The following ALK variants were observed in gnomAD, a reference collection of about 807,000 sequenced individuals.
ALK encodes the protein ALK tyrosine kinase receptor.
Under a neutral mutation model 163.1 loss-of-function variants are expected in ALK, and 74 were observed. The observed-to-expected ratio is 0.45, with a 90% CI of 0.38 to 0.55. The LOEUF is 0.55. Among genes scored for constraint, ALK ranks in the 20% least tolerant of loss-of-function variants. ALK has a pLI of 0.00. For missense variants in ALK, 2,063 were observed against 2,105.3 expected (o/e 0.98, Z 0.39); for synonymous variants, 960 against 843.2 (o/e 1.14, Z -2.40).
chr2:29,458,454 T>C (rs985844444), intron 4 of ALK, among the ~76,000 whole-genome samples: 19 of 152,294 alleles, frequency 1.2e-4, no homozygotes, highest in Admixed American at 3.9e-4. Context: ...GCTAAGGAGA[T>C]GTCGCTAATC....
intron 1 of ALK, among the ~76,000 whole-genome samples, chr2:29,898,282 A>C (rs55853366): frequency 0.11 from 16,967 of 152,204 alleles, 1,824 homozygotes; most frequent in African/African-American, 0.28. Flanking sequence ...ACATTCCTAA[A>C]CAAAAATAGA....
chr2:29,540,660 T>G (rs973114963), intron 3 of ALK, among the ~76,000 whole-genome samples: 1 of 151,868 alleles, frequency 6.6e-6, no homozygotes, highest in East Asian at 1.9e-4. Flanking sequence ...TTGTCCATTA[T>G]TTTTGAGTTT....
intron 3 of ALK, among the ~76,000 whole-genome samples, chr2:29,639,028 C>T (rs1055853996): frequency 7.9e-5 from 12 of 152,150 alleles, no homozygotes; most frequent in Middle Eastern, 3.4e-3. Flanking sequence ...ATACTGGGCA[C>T]GTAAGGAGAA....
At chr2:29,529,544 A>G (rs530217866) in intron 4 of ALK, among the ~76,000 whole-genome samples, 2 of 152,212 alleles carry the variant, frequency 1.3e-5, no homozygotes, top group African/African-American at 4.8e-5. Context: ...GAGCAGGCAA[A>G]TCTCCATCCT....
intron 4 of ALK, among the ~76,000 whole-genome samples, chr2:29,392,452 G>A (rs1173715933): frequency 2.0e-5 from 3 of 152,182 alleles, no homozygotes; most frequent in Admixed American, 6.5e-5. Context: ...TTGAAGAACA[G>A]CATACTAGCA....
intron 3 of ALK, among the ~76,000 whole-genome samples, chr2:29,659,058 A>G (rs779807874): frequency 3.3e-4 from 50 of 152,010 alleles, no homozygotes; most frequent in Non-Finnish European, 6.9e-4. Context: ...CCCCTTAAAG[A>G]GATGATGATG....
At chr2:29,893,355 C>A (rs1230473125) in intron 1 of ALK, among the ~76,000 whole-genome samples, 3 of 152,182 alleles carry the variant, frequency 2.0e-5, no homozygotes, top group Non-Finnish European at 4.4e-5. Flanking sequence ...GACTTTCTGC[C>A]ATGCAGCCTC....
At position 29,816,193 on chromosome 2, in the gene ALK, C is replaced by T. The variant is rs1397093904; in HGVS notation, c.668-98496G>A. On this transcript the variant is annotated intron_variant, in intron 1 of 28. Coordinates refer to ENST00000389048, the MANE Select transcript of ALK (RefSeq NM_004304.5). ...GGAAACAAAACAAATCCACATGAAACATTAAGTAATAGATTCATTCATTCA... is the reference window on the plus strand; with the variant it reads ...GGAAACAAAACAAATCCACATGAAATATTAAGTAATAGATTCATTCATTCA... 8.5e-5 allele frequency among the ~76,000 whole-genome samples: 13 copies of T among 152,302 alleles called. No homozygotes were observed. In the South Asian group the frequency reaches 2.5e-3, roughly 29 times the overall value.
At chr2:29,622,655 G>A (rs143636071) in intron 3 of ALK, among the ~76,000 whole-genome samples, 1 of 152,260 alleles carries the variant, frequency 6.6e-6, no homozygotes, top group Admixed American at 6.5e-5. Flanking sequence ...GGTGCCAGCT[G>A]CATCTCTCAA....
chr2:29,645,205 A>C (rs1676837748), intron 3 of ALK, among the ~76,000 whole-genome samples: 1 of 152,196 alleles, frequency 6.6e-6, no homozygotes, highest in African/African-American at 2.4e-5. Context: ...GTAAAGGCTC[A>C]GTTTTGGGAA....
At chr2:29,205,611 C>T (rs1274774851) in intron 26 of ALK, among the ~76,000 whole-genome samples, 2 of 152,120 alleles carry the variant, frequency 1.3e-5, no homozygotes, top group Non-Finnish European at 2.9e-5. Flanking sequence ...CTGGTGGCTG[C>T]GGGACCTCCT....
At chr2:29,480,228 A>G (rs1050195622) in intron 4 of ALK, among the ~76,000 whole-genome samples, 1 of 152,202 alleles carries the variant, frequency 6.6e-6, no homozygotes, top group Non-Finnish European at 1.5e-5. Context: ...CAACCTCAGC[A>G]GAGTGACGTG....
At position 29,239,794 on chromosome 2, in the gene ALK, C is replaced by T. The variant is rs1287951823; in HGVS notation, c.2241G>A (p.Gly747=). The T allele has an allele frequency of 6.2e-7, 1 of 1,613,752 alleles. No individual in the cohort carries two copies. Among genetic ancestry groups the T allele is most frequent in the African/African-American group, 1.3e-5 (1 of 74,934 alleles). The change falls in exon 13 of 29, where the codon GGG becomes GGA. Residue 747 remains glycine (G), a synonymous_variant. Transcript: ENST00000389048. ...SGYGAAGGKG[G]KNTMMRSHGV... is the part of the protein sequence containing the mutation. ...CGTGGGACCGCATCATGGTGTTCTT[C>T]CCGCCTTTCCCGCCAGCAGCTCCGT...
intron 3 of ALK, among the ~76,000 whole-genome samples, chr2:29,584,003 G>A (rs1337929901): frequency 6.6e-6 from 1 of 152,194 alleles, no homozygotes; most frequent in African/African-American, 2.4e-5. Context: ...ATTAGCTTCT[G>A]TCTTTCTTGG....
intron 3 of ALK, among the ~76,000 whole-genome samples, chr2:29,622,815 T>G (rs1464406587): frequency 1.3e-5 from 2 of 152,274 alleles, no homozygotes; most frequent in East Asian, 3.9e-4. Context: ...CATTCAATAC[T>G]AAACTCAAGT....
intron 3 of ALK, among the ~76,000 whole-genome samples, chr2:29,568,348 C>T (rs764310827): frequency 5.3e-5 from 8 of 152,230 alleles, no homozygotes; most frequent in Middle Eastern, 3.2e-3. Flanking sequence ...CTTTTGACAA[C>T]GGCATAGTGA....
intron 4 of ALK, among the ~76,000 whole-genome samples, chr2:29,419,649 GT>G (rs1309255493): frequency 6.6e-6 from 1 of 151,508 alleles, no homozygotes; most frequent in Non-Finnish European, 1.5e-5. Context: ...CTATGAAGAA[GT>G]TTGGTTTTCA....
chr2:29,798,667 A>G (rs1194587617), intron 1 of ALK, among the ~76,000 whole-genome samples: 2 of 152,256 alleles, frequency 1.3e-5, no homozygotes, highest in African/African-American at 2.4e-5. Flanking sequence ...AGAACCCTCT[A>G]TGCTTCCATG....
chr2:29,193,781 G>C lies in ALK; in HGVS notation c.4306C>G (p.Arg1436Gly), dbSNP rs201129468. Residue 1436 changes from arginine to glycine, a missense_variant, in exon 29 of 29, where the codon CGC (arginine) becomes GGC (glycine). Physicochemically the swap from Arg to Gly is moderately radical, Grantham distance 125 (BLOSUM62 -2). This residue lies in a region of ALK where 403 missense variants were observed against 366.2 expected (regional missense o/e 1.10). Coordinates refer to ENST00000389048, the MANE Select transcript of ALK (RefSeq NM_004304.5). ...VSQQAKREEE[R>G]SPAAPPPLPT... ...AGAGGTGGTGGGGCAGCTGGGCTGC[G>C]CTCCTCCTCCCGTTTTGCCTGTTGA... 3 of 1,593,838 alleles carry C rather than the reference G, an allele frequency of 1.9e-6. No homozygotes were observed. Among genetic ancestry groups the C allele is most frequent in the Non-Finnish European group, 2.6e-6 (3 of 1,169,668 alleles).
Sources: gnomAD v4.1 joint callset for allele counts (sites outside exome capture counted in the v4.1 genomes callset) on GRCh38, gnomAD v4.1.1 for gene constraint, gnomAD v4.1.1 regional missense constraint, MANE v1.5 for transcripts, NCBI Gene and HGNC (gene_info 2026-07-23, HGNC 2026-07-21) for gene names.